Variants in DSCAM observed in about 807,000 individuals in gnomAD.
The protein encoded by DSCAM is cell adhesion molecule DSCAM.
A neutral mutation model predicts 217.7 loss-of-function variants in DSCAM; 47 were observed. The observed-to-expected ratio is 0.22, with a 90% CI of 0.17 to 0.28. DSCAM has a LOEUF of 0.28. Ranked by LOEUF, DSCAM falls within the 10% of genes least tolerant of loss-of-function variation. The pLI is 1.00. For missense variants in DSCAM, 2,080 were observed against 2,618.3 expected (o/e 0.79, Z 4.49); for synonymous variants, 1,056 against 1,015.3 (o/e 1.04, Z -0.76).
At chr21:40,755,261 C>T (rs1043775333) in intron 1 of DSCAM, among the ~76,000 whole-genome samples, 1 of 152,046 alleles carries the variant, frequency 6.6e-6, no homozygotes, top group Non-Finnish European at 1.5e-5. Context: ...GCCTGGCCAA[C>T]ATGGTGAAAC....
At chr21:40,458,205 T>C (rs563769528) in intron 3 of DSCAM, among the ~76,000 whole-genome samples, 1 of 152,302 alleles carries the variant, frequency 6.6e-6, no homozygotes, top group East Asian at 1.9e-4. Context: ...GACAGATAAT[T>C]GACCTTCCTT....
intron 3 of DSCAM, among the ~76,000 whole-genome samples, chr21:40,400,955 A>C (rs74354333): frequency 6.6e-6 from 1 of 152,220 alleles, no homozygotes; most frequent in South Asian, 2.1e-4. Flanking sequence ...TCATCACAAA[A>C]GTTCTTTAAA....
chr21:40,296,474 A>C (rs60129217), intron 9 of DSCAM, among the ~76,000 whole-genome samples: 12 of 152,164 alleles, frequency 7.9e-5, no homozygotes, highest in East Asian at 3.9e-4. Flanking sequence ...TTTTGCTTTT[A>C]ATTGTGTTAT....
chr21:40,271,914 G>A (rs2073622566), intron 11 of DSCAM, among the ~76,000 whole-genome samples: 1 of 152,150 alleles, frequency 6.6e-6, no homozygotes, highest in African/African-American at 2.4e-5. Context: ...AAAGCTGTGT[G>A]CTTCTCAATA....
At chr21:40,651,720 G>A (rs2090016694) in intron 3 of DSCAM, among the ~76,000 whole-genome samples, 1 of 152,184 alleles carries the variant, frequency 6.6e-6, no homozygotes, top group African/African-American at 2.4e-5. Flanking sequence ...AGCCAACACT[G>A]TTGACTGATT....
intron 3 of DSCAM, among the ~76,000 whole-genome samples, chr21:40,566,577 T>C (rs943742537): frequency 1.3e-5 from 2 of 152,228 alleles, no homozygotes; most frequent in South Asian, 2.1e-4. Flanking sequence ...AGCAAACTTA[T>C]CTTTAACTGA....
At chr21:40,566,356 A>T (rs2076764310) in intron 3 of DSCAM, among the ~76,000 whole-genome samples, 1 of 152,188 alleles carries the variant, frequency 6.6e-6, no homozygotes, top group Admixed American at 6.5e-5. Flanking sequence ...AATCTTACTA[A>T]CATAATCAAG....
rs577695848 is a variant in DSCAM at position 40,317,724 on chromosome 21, G to A, written c.1784-5365C>T. 3.3e-5 allele frequency among the ~76,000 whole-genome samples: 5 copies of A among 152,076 alleles called. No homozygotes were observed. The South Asian group carries it at 6.2e-4, about 19-fold the overall frequency. On this transcript the variant is annotated intron_variant, in intron 8 of 32. Coordinates refer to ENST00000400454, the MANE Select transcript of DSCAM (RefSeq NM_001389.5). ...TTTTTTGTATTTTTAGTAGAGACGG[G>A]GTTTCACCATGTTGGCCAGGCTGGT...
In DSCAM at chr21:40,679,013, T is replaced by C. The variant is rs1249945320; in HGVS notation, c.508+13797A>G. On this transcript the variant is annotated intron_variant, in intron 3 of 32. Coordinates refer to ENST00000400454, the MANE Select transcript of DSCAM (RefSeq NM_001389.5). ...CTTTTGTTTTGGGAATAATAAATACTGGGAATTTGAAATGTCGATTTCCCT... is the reference window on the plus strand; with the variant it reads ...CTTTTGTTTTGGGAATAATAAATACCGGGAATTTGAAATGTCGATTTCCCT... Among the ~76,000 whole-genome samples the C allele has an allele frequency of 3.9e-5, 6 of 152,210 alleles. No individual in the cohort carries two copies. The East Asian group carries it at 1.2e-3, about 29-fold the overall frequency.
At chr21:40,292,773 C>T (rs954202346) in intron 10 of DSCAM, among the ~76,000 whole-genome samples, 9 of 151,708 alleles carry the variant, frequency 5.9e-5, no homozygotes, top group African/African-American at 9.7e-5. Context: ...GATGGAGTCT[C>T]GCTCTGTTGC....
chr21:40,646,930 A>G (rs1253751440), intron 3 of DSCAM, among the ~76,000 whole-genome samples: 1 of 152,242 alleles, frequency 6.6e-6, no homozygotes, highest in African/African-American at 2.4e-5. Context: ...ATTCTCTTCT[A>G]AAGTTTCGCT....
chr21:40,493,635 G>A (rs755253663), intron 3 of DSCAM, among the ~76,000 whole-genome samples: 25 of 151,988 alleles, frequency 1.6e-4, no homozygotes, highest in Admixed American at 6.6e-5. Context: ...GCCGAGGCAG[G>A]TGGATCCCCT....
chr21:40,435,159 C>T (rs1015734614), intron 3 of DSCAM, among the ~76,000 whole-genome samples: 11 of 152,176 alleles, frequency 7.2e-5, no homozygotes, highest in African/African-American at 2.2e-4. Flanking sequence ...CTGGTGGCTG[C>T]GGTGTGAGGT....
At chr21:40,413,341 C>T (rs919531006) in intron 3 of DSCAM, among the ~76,000 whole-genome samples, 3 of 152,140 alleles carry the variant, frequency 2.0e-5, no homozygotes, top group Non-Finnish European at 2.9e-5. Flanking sequence ...CAACACCAGC[C>T]CATGAATGGA....
rs570190420 is a variant in DSCAM, at chr21:40,333,592, T to G, written c.1783+4509A>C. 1.8e-4 allele frequency among the ~76,000 whole-genome samples: 27 copies of G among 152,368 alleles called. No homozygotes were observed. The South Asian group carries it at 5.2e-3, about 29-fold the overall frequency. On this transcript the variant is annotated intron_variant, in intron 8 of 32. Coordinates refer to ENST00000400454, the MANE Select transcript of DSCAM (RefSeq NM_001389.5). Reference sequence around the variant, plus strand: ...GTTGGCCAGGCTGATCTCAAACTCCTGGCCTCAAGTGATCCTCCTGCCTCG... The same window carrying G: ...GTTGGCCAGGCTGATCTCAAACTCCGGGCCTCAAGTGATCCTCCTGCCTCG...
At chr21:40,245,015 GC>G (rs1435958674) in intron 11 of DSCAM, among the ~76,000 whole-genome samples, 2 of 152,206 alleles carry the variant, frequency 1.3e-5, no homozygotes, top group Non-Finnish European at 2.9e-5. Context: ...AGGGAGGGAT[GC>G]TCCTGCTTCC....
chr21:40,820,110 G>T (rs1028142777), intron 1 of DSCAM, among the ~76,000 whole-genome samples: 1 of 152,108 alleles, frequency 6.6e-6, no homozygotes, highest in Non-Finnish European at 1.5e-5. Flanking sequence ...CCATTACGGG[G>T]TATATACCCA....
intron 3 of DSCAM, among the ~76,000 whole-genome samples, chr21:40,488,971 A>T (rs1339601983): frequency 6.6e-6 from 1 of 152,230 alleles, no homozygotes; most frequent in Non-Finnish European, 1.5e-5. Context: ...CCTCATGTAT[A>T]ATAGGATAGT....
chr21:40,738,864 C>T (rs938077496), intron 1 of DSCAM, among the ~76,000 whole-genome samples: 1 of 152,166 alleles, frequency 6.6e-6, no homozygotes, highest in African/African-American at 2.4e-5. Context: ...CACTTCAACT[C>T]GCCATCCCTC....
Sources: gnomAD v4.1 joint callset for allele counts (sites outside exome capture counted in the v4.1 genomes callset) on GRCh38, gnomAD v4.1.1 for gene constraint, MANE v1.5 for transcripts, NCBI Gene and HGNC (gene_info 2026-07-23, HGNC 2026-07-21) for gene names.